Variants in OPA3 observed in about 807,000 individuals in gnomAD.
The protein encoded by OPA3 is outer mitochondrial membrane lipid metabolism regulator OPA3.
A neutral mutation model predicts 4.0 loss-of-function variants in OPA3; 6 were observed. That is an observed-to-expected ratio of 1.51 (90% CI 0.83 to 2.99). The LOEUF (loss-of-function observed/expected upper bound fraction) is 2.99, where lower values mean the gene tolerates loss of function less well. Among genes scored for constraint, OPA3 ranks in the 30% most tolerant of loss-of-function variants. OPA3 has a pLI of 0.00. For synonymous variants in OPA3, 105 were observed against 117.1 expected, an observed-to-expected ratio of 0.90 and a Z score of 0.67; for missense variants, 235 against 256.2, an observed-to-expected ratio of 0.92 and a Z score of 0.56.
chr19:45,584,547 A>G (rs1969903580), intron 1 of OPA3, 76 bp downstream of exon 1: 4 of 1,611,076 alleles, frequency 2.5e-6, no homozygotes, highest in Admixed American at 3.3e-5. Context: ...CGTAGACAGA[A>G]GTCCATCCCC....
At chr19:45,563,976 C>T (rs911487503) in intron 1 of OPA3, among the ~76,000 whole-genome samples, 3 of 151,960 alleles carry the variant, frequency 2.0e-5, no homozygotes, top group Non-Finnish European at 2.9e-5. Context: ...CGGTGTGCAC[C>T]ACTGTGCCTG....
chr19:45,557,976 G>A (rs1039161534), intron 1 of OPA3, among the ~76,000 whole-genome samples: 1 of 152,072 alleles, frequency 6.6e-6, no homozygotes, highest in African/African-American at 2.4e-5. Context: ...CCCACCTGCC[G>A]GCCCCAGCCT....
chr19:45,568,488 G>A (rs368600055), intron 1 of OPA3, among the ~76,000 whole-genome samples: 3 of 151,800 alleles, frequency 2.0e-5, no homozygotes, highest in Admixed American at 2.0e-4. Context: ...CTGTGCCCCC[G>A]CCCAATCCAG....
chr19:45,572,624 A>G (rs1388561819), intron 1 of OPA3, among the ~76,000 whole-genome samples: 1 of 124,904 alleles, frequency 8.0e-6, no homozygotes, highest in Non-Finnish European at 1.7e-5. Context: ...ATCATGATAT[A>G]TGTATATAAA....
At chr19:45,581,815 G>C (rs1042330365) in intron 1 of OPA3, among the ~76,000 whole-genome samples, 2 of 152,162 alleles carry the variant, frequency 1.3e-5, no homozygotes, top group African/African-American at 4.8e-5. Context: ...GTTTGTTTGA[G>C]ATTGAGACAG....
intron 1 of OPA3, among the ~76,000 whole-genome samples, chr19:45,530,973 A>G (rs1275634839): frequency 1.2e-5 from 1 of 83,032 alleles, no homozygotes; most frequent in Non-Finnish European, 2.2e-5. Flanking sequence ...GCATTTTAGT[A>G]GAGACAGGGT....
downstream of OPA3, among the ~76,000 whole-genome samples, chr19:45,543,477 C>T (rs578157599): frequency 3.9e-5 from 6 of 152,026 alleles, no homozygotes; most frequent in East Asian, 1.9e-4. Flanking sequence ...CACGCCACCA[C>T]GCCTAATTTT....
intron 1 of OPA3, among the ~76,000 whole-genome samples, chr19:45,570,991 C>G (rs1478213485): frequency 3.3e-4 from 24 of 73,214 alleles, no homozygotes; most frequent in Admixed American, 4.5e-4. Flanking sequence ...GGGGGGGGGG[C>G]ATGAATAAAT....
chr19:45,572,021 T>A (rs1490111544), intron 1 of OPA3, among the ~76,000 whole-genome samples: 1 of 151,502 alleles, frequency 6.6e-6, no homozygotes, highest in Non-Finnish European at 1.5e-5. Flanking sequence ...CATCTGATAA[T>A]TCCACGTTTG....
chr19:45,541,981 C>G (rs1969190651), downstream of OPA3, among the ~76,000 whole-genome samples: 1 of 152,140 alleles, frequency 6.6e-6, no homozygotes, highest in African/African-American at 2.4e-5. Context: ...TGCTGACAGC[C>G]CTCTGACCTT....
chr19:45,539,409 T>C (rs1009841089), intron 1 of OPA3, among the ~76,000 whole-genome samples: 3 of 152,124 alleles, frequency 2.0e-5, no homozygotes, highest in African/African-American at 7.2e-5. Flanking sequence ...CTGGGCAACA[T>C]GGCGAAACCC....
In OPA3 at chr19:45,570,478, T is replaced by C. The variant is rs10425880; in HGVS notation, c.142+14145A>G. Among the ~76,000 whole-genome samples the C allele has an allele frequency of 7.2e-3, 1,086 of 151,746 alleles. 14 individuals carry two copies. Among genetic ancestry groups the C allele is most frequent in the African/African-American group, 0.025 (1,017 of 41,366 alleles). On this transcript the variant is annotated intron_variant, in intron 1 of 1. Transcript: ENST00000263275. ...TGGGCAGATCACCTGAGGTCAGGAG[T>C]TCGAGACCAGCCTGGCCAATATGGT... is the stretch of plus-strand genomic sequence containing the variant.
At chr19:45,540,587 G>T (rs1175126548) in intron 1 of OPA3, among the ~76,000 whole-genome samples, 2 of 151,020 alleles carry the variant, frequency 1.3e-5, no homozygotes, top group Non-Finnish European at 3.0e-5. Flanking sequence ...AAAAAAAGGG[G>T]GCCAGGCACG....
chr19:45,577,063 C>T (rs1378054117), intron 1 of OPA3, among the ~76,000 whole-genome samples: 1 of 152,246 alleles, frequency 6.6e-6, no homozygotes, highest in East Asian at 1.9e-4. Flanking sequence ...ACCAAAAGTG[C>T]ACTTTGCAGG....
chr19:45,531,461 A>G (rs1969060731), intron 1 of OPA3, among the ~76,000 whole-genome samples: 1 of 152,188 alleles, frequency 6.6e-6, no homozygotes, highest in South Asian at 2.1e-4. Flanking sequence ...TTTATTAAAT[A>G]AACAGTTGTG....
At position 45,563,363 on chromosome 19, in the gene OPA3, T is replaced by C. The variant is rs1326405768; in HGVS notation, c.143-9452A>G. ...TTAGTAGAGACGGGGTTTCACCGTG[T>C]TAGCCAGGATGGTCTCGATCTCCTG... On this transcript the variant is annotated intron_variant, in intron 1 of 1. Transcript: ENST00000263275. Among the ~76,000 whole-genome samples, 10 of 151,460 alleles carry C rather than the reference T, an allele frequency of 6.6e-5. No homozygotes were observed. In the East Asian group the frequency reaches 2.0e-3, roughly 30 times the overall value.
rs1969293450 is a variant in OPA3, at chr19:45,549,040, G to A, written c.*4474C>T. 1.2e-6 allele frequency: 1 copy of A among 801,956 alleles called. No individual in the cohort carries two copies. Among genetic ancestry groups the A allele is most frequent in the Admixed American group, 6.3e-5 (1 of 16,000 alleles). 49.7% of individuals were successfully genotyped at this position (801,956 alleles called of 1,614,324 possible). A position where few individuals can be genotyped will look rare whatever the true frequency, so the allele number is the denominator to read the frequency against. On this transcript the variant is annotated 3_prime_UTR_variant, in exon 2 of 2. Transcript: ENST00000263275. ...GGTTGGTCTTGAACTCCTGACCTCA[G>A]GTGATCCACCCACCCTGGCCTCCCA...
At chr19:45,572,458 T>C (rs531153853) in intron 1 of OPA3, among the ~76,000 whole-genome samples, 18 of 135,286 alleles carry the variant, frequency 1.3e-4, no homozygotes, top group African/African-American at 4.8e-4. Flanking sequence ...ATATGATATA[T>C]ATCATATATC....
chr19:45,572,032 C>T lies in OPA3; in HGVS notation c.142+12591G>A, dbSNP rs1969673454. Among the ~76,000 whole-genome samples the T allele has an allele frequency of 2.0e-5, 3 of 151,014 alleles. No homozygotes were observed. The South Asian group carries it at 6.3e-4, about 32-fold the overall frequency. On this transcript the variant is annotated intron_variant, in intron 1 of 1. Transcript: ENST00000263275. ...TCCACATCTGATAATTCCACGTTTGCAGGCTGTGACCTGCCATGTTTTTCT... is the reference window on the plus strand; with the variant it reads ...TCCACATCTGATAATTCCACGTTTGTAGGCTGTGACCTGCCATGTTTTTCT...
Sources: allele counts gnomAD v4.1 joint callset (sites outside exome capture counted in the v4.1 genomes callset), GRCh38; gene constraint gnomAD v4.1.1; transcripts MANE v1.5; gene names NCBI Gene and HGNC (gene_info 2026-07-23, HGNC 2026-07-21).